Variants in MYO15B observed in about 807,000 individuals in gnomAD.
The protein encoded by MYO15B is myosin XVB pseudogene.
Under a neutral mutation model 119.3 loss-of-function variants are expected in MYO15B, and 207 were observed. That is an observed-to-expected ratio of 1.73 (90% CI 1.55 to 1.95). The LOEUF (loss-of-function observed/expected upper bound fraction) is 1.95. Among genes scored for constraint, MYO15B ranks in the 30% most tolerant of loss-of-function variants. The probability of loss-of-function intolerance (pLI) is 0.00; values close to 1 mark genes in which losing one functional copy is unlikely to be tolerated. For synonymous variants in MYO15B, 966 were observed against 498.9 expected (o/e 1.94, Z -12.48); for missense variants, 2,264 against 1,203.1 (o/e 1.88, Z -13.04).
At chr17:75,605,904 T>G (rs1568159792) in exon 21 of MYO15B, 2 of 702,138 alleles carry the variant, frequency 2.8e-6, no homozygotes, top group Non-Finnish European at 5.2e-6. Context: ...CTGGAGGAGC[T>G]CCGGGACCAG....
chr17:75,611,723 T>C (rs3743991), intron 24 of MYO15B, 65 bp downstream of exon 24: 209,910 of 701,012 alleles, frequency 0.3, 34,345 homozygotes, highest in Non-Finnish European at 0.35. Context: ...GGGGTGTGTC[T>C]GTCCCTTGTG....
intron 47 of MYO15B, 102 bp downstream of exon 47, chr17:75,620,122 C>T (rs2058620320): frequency 1.5e-6 from 1 of 646,884 alleles, no homozygotes; most frequent in South Asian, 1.6e-5. Context: ...GGAGTTTGGG[C>T]CAAATCCCTG....
chr17:75,625,324 G>A (rs953424468), intron 60 of MYO15B, 86 bp downstream of exon 60: 1 of 642,690 alleles, frequency 1.6e-6, no homozygotes, highest in African/African-American at 1.8e-5. Context: ...GGCCCTAAAT[G>A]GACTGGCCAG....
exon 41 of MYO15B, chr17:75,617,102 A>G (rs778795294): frequency 5.9e-6 from 4 of 676,212 alleles, no homozygotes; most frequent in Admixed American, 2.1e-5. Context: ...CCCCCAGCCC[A>G]GGAAAGGGCC....
At chr17:75,603,394 G>A (rs1026008171) in intron 19 of MYO15B, 82 bp downstream of exon 19, 1 of 675,618 alleles carries the variant, frequency 1.5e-6, no homozygotes, top group African/African-American at 1.8e-5. Context: ...TCTGATTGGA[G>A]ATGGACTCAC....
intron 4 of MYO15B, 116 bp from the exon 5 acceptor site, chr17:75,591,485 A>G: frequency 1.5e-6 from 1 of 660,196 alleles, no homozygotes. Flanking sequence ...TTCCACATTT[A>G]TGGGGGTCTC....
At chr17:75,611,838 G>A (rs1452721812) in intron 24 of MYO15B, 48 bp from the exon 25 acceptor site, 2 of 700,972 alleles carry the variant, frequency 2.9e-6, no homozygotes, top group Non-Finnish European at 5.2e-6. Context: ...CCAGGGCCAG[G>A]TACCACACCT....
exon 1 of MYO15B, chr17:75,588,458 C>T (rs1204816712): frequency 2.5e-6 from 1 of 398,352 alleles, no homozygotes; most frequent in Non-Finnish European, 4.4e-6. Context: ...GATAAGGGGC[C>T]CTCGGCTCGG....
exon 27 of MYO15B, chr17:75,613,169 G>A (rs1237564476): frequency 1.3e-5 from 9 of 701,238 alleles, no homozygotes; most frequent in Middle Eastern, 2.3e-4. Context: ...TTTGCTCAGC[G>A]CCTTTCCCCC....
rs949370567 is a variant in MYO15B at position 75,589,202 on chromosome 17, G to GGCGGCT, written c.1157_1162dup (p.Leu386_Arg387dup). The GGCGGCT allele has an allele frequency of 6.7e-5, 22 of 330,252 alleles. No individual in the cohort carries two copies. The highest frequency in any genetic ancestry group is 8.3e-5 in the African/African-American group (3 of 36,206). The allele number at this position is 330,252 out of a possible 1,614,324, so 20.5% of individuals were successfully genotyped here. On this transcript the variant is annotated inframe_insertion, in exon 1 of 64. Coordinates refer to ENST00000645453, the Ensembl canonical transcript of MYO15B. The surrounding 1 kb of genome is among the most constrained non-coding windows in gnomAD (Gnocchi z 4.2). ...CTGGGCCTCCTGCGCTGGCTGCGGC[G>GGCGGCT]GCGGCTGCGGCTGCGGCGGCGGCCG...
At position 75,616,176 on chromosome 17, in the gene MYO15B, G is replaced by A. The variant is rs1159342580; in HGVS notation, c.6109+29G>A. On this transcript the variant is annotated intron_variant, in intron 37 of 63. Transcript: ENST00000645453. ...AGGGCACTTGGGGTGGCAGGACCGT[G>A]CAGAAACATGGCCAGTGCCCCTGGC... is the stretch of plus-strand genomic sequence containing the variant. 7.0e-6 allele frequency: 4 copies of A among 573,366 alleles called. No homozygotes were observed. In the Admixed American group the frequency reaches 1.0e-4, roughly 15 times the overall value. 35.5% of individuals were successfully genotyped at this position (573,366 alleles called of 1,614,324 possible). A position where few individuals can be genotyped will look rare whatever the true frequency, so the allele number is the denominator to read the frequency against.
intron 49 of MYO15B, 136 bp downstream of exon 49, chr17:75,620,772 C>T (rs1372825761): frequency 1.1e-5 from 8 of 700,806 alleles, no homozygotes; most frequent in Non-Finnish European, 1.8e-5. Context: ...CCCCTCTGCC[C>T]GCTCCTGATG....
At chr17:75,622,386 G>A (rs542595142) in intron 53 of MYO15B, among the ~76,000 whole-genome samples, 2 of 152,312 alleles carry the variant, frequency 1.3e-5, no homozygotes, top group East Asian at 3.9e-4. Flanking sequence ...TGAGCACGGG[G>A]TGACAGAGAA....
chr17:75,624,306 TG>T (rs2058891204), intron 56 of MYO15B, 37 bp downstream of exon 56: 5 of 702,836 alleles, frequency 7.1e-6, no homozygotes, highest in East Asian at 5.4e-5. Flanking sequence ...TGGGACACCC[TG>T]GGGTGGGGAG....
intron 14 of MYO15B, among the ~76,000 whole-genome samples, chr17:75,600,279 G>A (rs948309019): frequency 2.0e-5 from 3 of 151,690 alleles, no homozygotes; most frequent in Admixed American, 6.6e-5. Flanking sequence ...CACCTGCTTC[G>A]GCCTCCCAAA....
At chr17:75,591,980 G>A in exon 6 of MYO15B, 1 of 702,520 alleles carries the variant, frequency 1.4e-6, no homozygotes, top group Non-Finnish European at 2.6e-6. Context: ...TGTACAGGTG[G>A]AGGATATGCT....
intron 63 of MYO15B, 52 bp downstream of exon 63, chr17:75,626,280 C>G (rs1024925003): frequency 2.4e-5 from 17 of 699,300 alleles, no homozygotes; most frequent in African/African-American, 2.3e-4. Flanking sequence ...GAGGGCCTTG[C>G]CCCAGCATGG....
exon 20 of MYO15B, chr17:75,605,548 G>C (rs759976804): frequency 2.8e-6 from 2 of 702,862 alleles, no homozygotes; most frequent in South Asian, 1.5e-5. Context: ...CTCTCTGACC[G>C]GGAGAAGTGT....
chr17:75,605,834 C>G (rs1475896859), intron 20 of MYO15B, 30 bp from the exon 21 acceptor site: 2 of 661,698 alleles, frequency 3.0e-6, no homozygotes, highest in East Asian at 2.7e-5. Context: ...GCTCCTGGCT[C>G]CTGCCTACAG....
Sources: allele counts gnomAD v4.1 joint callset (sites outside exome capture counted in the v4.1 genomes callset), GRCh38; gene constraint gnomAD v4.1.1; non-coding constraint Gnocchi (gnomAD v3.1); transcripts MANE v1.5; gene names NCBI Gene and HGNC (gene_info 2026-07-23, HGNC 2026-07-21).